The following ANO3 variants were observed in gnomAD, a reference collection of about 807,000 sequenced individuals.
ANO3 encodes anoctamin 3.
Under a neutral mutation model 144.8 loss-of-function variants are expected in ANO3, and 99 were observed. The ratio of observed to expected loss-of-function variants is 0.68; its 90% confidence interval spans 0.58 to 0.81. The LOEUF is 0.81. Among genes scored for constraint, ANO3 ranks in the 30% least tolerant of loss-of-function variants. The pLI is 0.00. For synonymous variants in ANO3, 414 were observed against 392.6 expected (o/e 1.05, Z -0.64); for missense variants, 905 against 1,202.2 (o/e 0.75, Z 3.66).
chr11:26,630,418 C>G (rs1306055723), intron 18 of ANO3, among the ~76,000 whole-genome samples: 2 of 152,182 alleles, frequency 1.3e-5, no homozygotes, highest in Non-Finnish European at 2.9e-5. Flanking sequence ...ATTATTGTCA[C>G]TTGACATTAA....
At chr11:26,572,011 A>G (rs957152587) in intron 14 of ANO3, 2 of 848,040 alleles carry the variant, frequency 2.4e-6, no homozygotes, top group Non-Finnish European at 2.8e-6. Flanking sequence ...AGAGAAAGCG[A>G]GAGACCTAAG....
chr11:26,275,165 C>T (rs894029832), intron 1 of ANO3, among the ~76,000 whole-genome samples: 6 of 151,916 alleles, frequency 3.9e-5, no homozygotes, highest in Admixed American at 1.3e-4. Context: ...GGCTGACCAG[C>T]GTTATATTTA....
rs1427500485 is a variant in ANO3, at chr11:26,660,466, G to T, written c.*22G>T. 2 of 1,578,210 alleles carry T rather than the reference G, an allele frequency of 1.3e-6. No individual in the cohort carries two copies. Among genetic ancestry groups the T allele is most frequent in the African/African-American group, 2.7e-5 (2 of 73,342 alleles). ...TTAGTTGACACCTGTTACCCATTAG[G>T]GGTGATAACATTAATGGGAAGAAAT... On this transcript the variant is annotated 3_prime_UTR_variant, in exon 27 of 27. Transcript: ENST00000256737.
chr11:26,449,405 A>G (rs917708454), intron 3 of ANO3, among the ~76,000 whole-genome samples: 1 of 152,148 alleles, frequency 6.6e-6, no homozygotes, highest in Non-Finnish European at 1.5e-5. Flanking sequence ...AGGTGCTTAA[A>G]GAATACTTTT....
chr11:26,606,597 C>CTTT lies in ANO3; in HGVS notation c.1836+6891_1836+6893dup, dbSNP rs34594509. 1.2e-3 allele frequency among the ~76,000 whole-genome samples: 183 copies of CTTT among 147,872 alleles called. 1 individual carries two copies. The highest frequency in any genetic ancestry group is 0.011 in the South Asian group (52 of 4,672). On this transcript the variant is annotated intron_variant, in intron 17 of 26. Coordinates refer to ENST00000256737, the MANE Select transcript of ANO3 (RefSeq NM_031418.4). ...TCGGAGACTAGGATTGCAATCCCTG[C>CTTT]TTTTTTTTTTGGCTATTTGCTTGGT...
intron 1 of ANO3, among the ~76,000 whole-genome samples, chr11:26,252,855 G>A (rs1852965875): frequency 1.3e-5 from 2 of 152,162 alleles, no homozygotes; most frequent in Admixed American, 6.5e-5. Context: ...TAATATTAGT[G>A]TGCTAGTGGC....
At chr11:26,510,386 C>T (rs930190795) in intron 5 of ANO3, among the ~76,000 whole-genome samples, 2 of 151,990 alleles carry the variant, frequency 1.3e-5, no homozygotes, top group African/African-American at 4.8e-5. Context: ...CCCGCCCACA[C>T]CCAATCACTG....
intron 14 of ANO3, among the ~76,000 whole-genome samples, chr11:26,586,828 G>A (rs1173807545): frequency 6.6e-6 from 1 of 151,710 alleles, no homozygotes; most frequent in Non-Finnish European, 1.5e-5. Flanking sequence ...CTTTTAATCT[G>A]CTGCTTGCTT....
Position 26,457,392 on chromosome 11 carries a change from CGAG to C in ANO3, c.314-5636_314-5634del, listed in dbSNP as rs1859209446. On this transcript the variant is annotated intron_variant, in intron 3 of 26. Transcript: ENST00000256737. Reference sequence around the variant, plus strand: ...ATTTAAAATTTTCCACTGGCATACTCGAGGTAATTACATTGTTTCCTATCTACT... The same window carrying C: ...ATTTAAAATTTTCCACTGGCATACTCGTAATTACATTGTTTCCTATCTACT... 2.0e-5 allele frequency among the ~76,000 whole-genome samples: 3 copies of C among 150,214 alleles called. No individual in the cohort carries two copies. In the South Asian group the frequency reaches 6.3e-4, roughly 31 times the overall value.
chr11:26,462,441 G>A (rs373107843), intron 3 of ANO3, among the ~76,000 whole-genome samples: 8 of 151,764 alleles, frequency 5.3e-5, no homozygotes, highest in African/African-American at 1.9e-4. Context: ...ATGTGTAACT[G>A]ATATTATAGC....
At chr11:26,401,014 T>G (rs1215162440) in intron 1 of ANO3, among the ~76,000 whole-genome samples, 1 of 152,062 alleles carries the variant, frequency 6.6e-6, no homozygotes, top group Non-Finnish European at 1.5e-5. Context: ...AACATTTTGA[T>G]ACGTTTCTAT....
Position 26,312,134 on chromosome 11 carries a change from G to A in ANO3, c.-3+2415G>A, listed in dbSNP as rs1257293079. ...CTTGCGATAGTTTGCTCAGAATGATGGTTTCCAGTTTCATCCATGTTCCTA... is the reference window on the plus strand; with the variant it reads ...CTTGCGATAGTTTGCTCAGAATGATAGTTTCCAGTTTCATCCATGTTCCTA... On this transcript the variant is annotated intron_variant, in intron 1 of 26. Transcript: ENST00000525139. Among the ~76,000 whole-genome samples, 4 of 152,276 alleles carry A rather than the reference G, an allele frequency of 2.6e-5. No individual in the cohort carries two copies. In the East Asian group the frequency reaches 7.7e-4, roughly 29 times the overall value.
At chr11:26,338,837 G>C (rs1278618911) in intron 1 of ANO3, among the ~76,000 whole-genome samples, 1 of 150,896 alleles carries the variant, frequency 6.6e-6, no homozygotes, top group Non-Finnish European at 1.5e-5. Context: ...CTGAACATCT[G>C]AAGGAACAAA....
At chr11:26,434,619 T>C (rs916107597) in intron 1 of ANO3, among the ~76,000 whole-genome samples, 1 of 152,230 alleles carries the variant, frequency 6.6e-6, no homozygotes, top group African/African-American at 2.4e-5. Flanking sequence ...TATTCTGACA[T>C]GTTGTATCTT....
chr11:26,363,727 G>T (rs567775113), intron 1 of ANO3, among the ~76,000 whole-genome samples: 1 of 152,098 alleles, frequency 6.6e-6, no homozygotes, highest in South Asian at 2.1e-4. Flanking sequence ...TATTGTTGAG[G>T]CAAACTGCAC....
At chr11:26,273,940 T>C (rs1380390971) in intron 1 of ANO3, among the ~76,000 whole-genome samples, 1 of 152,172 alleles carries the variant, frequency 6.6e-6, no homozygotes, top group African/African-American at 2.4e-5. Flanking sequence ...TCACATAAGC[T>C]GTGATCATGT....
intron 10 of ANO3, among the ~76,000 whole-genome samples, chr11:26,541,587 C>T (rs1849645010): frequency 6.6e-6 from 1 of 151,988 alleles, no homozygotes; most frequent in African/African-American, 2.4e-5. Flanking sequence ...CAAAATAATG[C>T]CCTGAAATTC....
At chr11:26,520,296 A>C (rs1421904825) in intron 6 of ANO3, among the ~76,000 whole-genome samples, 1 of 152,186 alleles carries the variant, frequency 6.6e-6, no homozygotes, top group Non-Finnish European at 1.5e-5. Context: ...ATTTTTAAAA[A>C]AACTATATTC....
At chr11:26,572,660 T>G (rs888744499) in intron 14 of ANO3, among the ~76,000 whole-genome samples, 1 of 152,172 alleles carries the variant, frequency 6.6e-6, no homozygotes, top group South Asian at 2.1e-4. Context: ...GCGTCTATTC[T>G]GAGGTCCACT....
Sources: gnomAD v4.1 joint callset for allele counts (sites outside exome capture counted in the v4.1 genomes callset) on GRCh38, gnomAD v4.1.1 for gene constraint, MANE v1.5 for transcripts, NCBI Gene and HGNC (gene_info 2026-07-23, HGNC 2026-07-21) for gene names.